EEF1AKMT1: variants seen among roughly 807,000 people sequenced by gnomAD.
The protein encoded by EEF1AKMT1 is N-6 adenine-specific DNA methyltransferase 2 (putative).
EEF1AKMT1 carries 18 observed loss-of-function variants against 21.0 expected under a neutral mutation model. That is an observed-to-expected ratio of 0.86 (90% CI 0.59 to 1.27). The LOEUF (loss-of-function observed/expected upper bound fraction) is 1.27. Among genes scored for constraint, EEF1AKMT1 ranks in the 50% most tolerant of loss-of-function variants. The pLI, the probability that EEF1AKMT1 is intolerant of heterozygous loss-of-function variation, is 0.00. For synonymous variants in EEF1AKMT1, 109 were observed against 94.8 expected, an observed-to-expected ratio of 1.15 and a Z score of -0.87; for missense variants, 246 against 258.6, an observed-to-expected ratio of 0.95 and a Z score of 0.33.
At chr13:20,772,238 A>T (rs985753520) in intron 1 of EEF1AKMT1, among the ~76,000 whole-genome samples, 59 of 152,046 alleles carry the variant, frequency 3.9e-4, no homozygotes, top group Middle Eastern at 3.4e-3. Flanking sequence ...AGTAAAAAAA[A>T]TTTTTTTCTT....
In EEF1AKMT1 at chr13:20,739,357, G is replaced by A. The variant is rs191924406; in HGVS notation, c.145-1552C>T. Among the ~76,000 whole-genome samples, 668 of 152,296 alleles carry A rather than the reference G, an allele frequency of 4.4e-3. 1 individual carries two copies. Among genetic ancestry groups the A allele is most frequent in the Non-Finnish European group, 7.2e-3 (489 of 68,018 alleles). On this transcript the variant is annotated intron_variant, in intron 2 of 4. Coordinates refer to ENST00000382758, the MANE Select transcript of EEF1AKMT1 (RefSeq NM_001318939.2). ...AAGGCAACCCAAGAGGGTTGCCGCC[G>A]CTAAGCAGGGGCAGCCTGCTTTTAT...
intron 1 of EEF1AKMT1, among the ~76,000 whole-genome samples, chr13:20,765,751 CAT>C (rs916969924): frequency 2.6e-5 from 4 of 151,614 alleles, no homozygotes; most frequent in Admixed American, 6.6e-5. Flanking sequence ...TTCTAGCTTT[CAT>C]ATATGTTTCT....
chr13:20,769,826 A>G (rs925201299), intron 1 of EEF1AKMT1, among the ~76,000 whole-genome samples: 5 of 152,152 alleles, frequency 3.3e-5, no homozygotes, highest in Non-Finnish European at 5.9e-5. Flanking sequence ...CATCCCTGAG[A>G]AAGACTAGAT....
chr13:20,738,317 G>A (rs1227484691), intron 2 of EEF1AKMT1, among the ~76,000 whole-genome samples: 6 of 152,132 alleles, frequency 3.9e-5, no homozygotes, highest in African/African-American at 1.2e-4. Flanking sequence ...TTTCCCTTGG[G>A]GGCAAGTTTG....
In EEF1AKMT1 at chr13:20,763,185, A is replaced by G. The variant is rs530076132; in HGVS notation, c.-19-5568T>C. Reference sequence around the variant, plus strand: ...ATAAACTAGAAATGTCTCCTCTTCTATTTTCTGGAAAAGACTGTGTACAAT... The same window carrying G: ...ATAAACTAGAAATGTCTCCTCTTCTGTTTTCTGGAAAAGACTGTGTACAAT... On this transcript the variant is annotated intron_variant, in intron 1 of 4. Transcript: ENST00000382758. Among the ~76,000 whole-genome samples the G allele has an allele frequency of 1.1e-3, 160 of 152,206 alleles. 1 individual carries two copies. Among genetic ancestry groups the G allele is most frequent in the Non-Finnish European group, 1.9e-3 (128 of 68,004 alleles).
intron 1 of EEF1AKMT1, among the ~76,000 whole-genome samples, chr13:20,763,931 T>C (rs1205480027): frequency 6.6e-6 from 1 of 151,856 alleles, no homozygotes; most frequent in Non-Finnish European, 1.5e-5. Flanking sequence ...CAGTCCTCAA[T>C]TATTTCTAAT....
intron 2 of EEF1AKMT1, among the ~76,000 whole-genome samples, chr13:20,739,767 T>C (rs2058858980): frequency 2.0e-5 from 3 of 152,054 alleles, no homozygotes; most frequent in African/African-American, 7.2e-5. Context: ...GTTTACAATC[T>C]TTTAGCTAGA....
intron 1 of EEF1AKMT1, among the ~76,000 whole-genome samples, chr13:20,762,257 A>G (rs886743918): frequency 7.0e-6 from 1 of 143,774 alleles, no homozygotes; most frequent in East Asian, 2.0e-4. Context: ...TTCTTGGCTC[A>G]CTGCAACCTC....
chr13:20,754,788 C>T (rs1160392837), intron 2 of EEF1AKMT1, among the ~76,000 whole-genome samples: 1 of 150,510 alleles, frequency 6.6e-6, no homozygotes, highest in Non-Finnish European at 1.5e-5. Flanking sequence ...TGGCACATGC[C>T]TGTAGGCACA....
chr13:20,747,136 G>T, intron 2 of EEF1AKMT1: 1 of 158,850 alleles, frequency 6.3e-6, no homozygotes, highest in South Asian at 1.8e-4. Context: ...GGGAGATGAT[G>T]ATCTCTGAAC....
At chr13:20,768,628 T>A (rs987947062) in intron 1 of EEF1AKMT1, among the ~76,000 whole-genome samples, 18 of 152,160 alleles carry the variant, frequency 1.2e-4, no homozygotes, top group African/African-American at 4.3e-4. Context: ...GGGTATTTTA[T>A]GTGTGGCCCA....
intron 1 of EEF1AKMT1, among the ~76,000 whole-genome samples, chr13:20,764,107 T>G (rs923955388): frequency 6.6e-5 from 10 of 152,218 alleles, no homozygotes; most frequent in Admixed American, 6.5e-4. Flanking sequence ...TGCCTTTCAT[T>G]TCCTTCCTTC....
intron 3 of EEF1AKMT1, among the ~76,000 whole-genome samples, chr13:20,734,623 T>C (rs1256419601): frequency 6.8e-6 from 1 of 147,318 alleles, no homozygotes; most frequent in Non-Finnish European, 1.5e-5. Flanking sequence ...AGACGGAGTC[T>C]CGCGCTCACG....
chr13:20,745,096 T>C (rs2818980), intron 2 of EEF1AKMT1, among the ~76,000 whole-genome samples: 115,008 of 152,144 alleles, frequency 0.76, 45,071 homozygotes, highest in East Asian at 1. Context: ...CCTTGTAGTA[T>C]AGTTTGAAGT....
intron 1 of EEF1AKMT1, among the ~76,000 whole-genome samples, chr13:20,770,767 C>T (rs2059058638): frequency 1.3e-5 from 2 of 152,122 alleles, no homozygotes; most frequent in Non-Finnish European, 2.9e-5. Flanking sequence ...CACAATACTG[C>T]CTAGAACTGA....
At chr13:20,764,752 G>A (rs1211535188) in intron 1 of EEF1AKMT1, among the ~76,000 whole-genome samples, 2 of 152,028 alleles carry the variant, frequency 1.3e-5, no homozygotes, top group East Asian at 3.9e-4. Flanking sequence ...TTATCATTAT[G>A]TAATTCTGTT....
At chr13:20,734,776 G>T (rs2058817363) in intron 3 of EEF1AKMT1, among the ~76,000 whole-genome samples, 1 of 151,936 alleles carries the variant, frequency 6.6e-6, no homozygotes, top group African/African-American at 2.4e-5. Context: ...GACTTTCAAA[G>T]GAGGTTAAAA....
chr13:20,742,060 A>G (rs186841695), intron 2 of EEF1AKMT1, among the ~76,000 whole-genome samples: 1 of 152,322 alleles, frequency 6.6e-6, no homozygotes, highest in Non-Finnish European at 1.5e-5. Context: ...ATACATGTGC[A>G]TATAAAAATC....
chr13:20,765,020 G>C (rs1014196033), intron 1 of EEF1AKMT1, among the ~76,000 whole-genome samples: 2 of 151,856 alleles, frequency 1.3e-5, no homozygotes, highest in African/African-American at 4.8e-5. Flanking sequence ...CCAGCACTTT[G>C]AGAGGCTGAG....
Sources: gnomAD v4.1 joint callset for allele counts (sites outside exome capture counted in the v4.1 genomes callset) on GRCh38, gnomAD v4.1.1 for gene constraint, MANE v1.5 for transcripts, NCBI Gene and HGNC (gene_info 2026-07-23, HGNC 2026-07-21) for gene names.